The following PLCD1 variants were observed in gnomAD, a reference collection of about 807,000 sequenced individuals.
PLCD1 encodes the protein 1-phosphatidylinositol 4,5-bisphosphate phosphodiesterase delta-1.
A neutral mutation model predicts 87.4 loss-of-function variants in PLCD1; 71 were observed. The ratio of observed to expected loss-of-function variants is 0.81; its 90% CI spans 0.67 to 0.99. PLCD1 has a LOEUF of 0.99. PLCD1 is among the 50% of genes least tolerant of loss of function. The pLI, the probability that PLCD1 is intolerant of heterozygous loss-of-function variation, is 0.00. For missense variants in PLCD1, 867 were observed against 1,001.5 expected (o/e 0.87, Z 1.81); for synonymous variants, 348 against 399.2 (o/e 0.87, Z 1.53).
rs746217837 is a variant in PLCD1, at chr3:38,009,135, C to T, written c.1630G>A (p.Val544Met). ...GGGTAGATTCTGCTCAGGTGCCCCACGTTGTGGCGGACAAAGCCGTTTCCT... is the reference window on the plus strand; with the variant it reads ...GGGTAGATTCTGCTCAGGTGCCCCATGTTGTGGCGGACAAAGCCGTTTCCT... ...ESGNGFVRHN[V>M]GHLSRIYPAG... The change falls in exon 11 of 15, where the codon GTG becomes ATG. Residue 544 changes from valine to methionine, a missense_variant. Transcript: ENST00000334661. The T allele has an allele frequency of 2.2e-5, 35 of 1,614,052 alleles. No homozygotes were observed. The highest frequency in any genetic ancestry group is 9.3e-5 in the African/African-American group (7 of 74,926).
In PLCD1 at chr3:38,009,683, T is replaced by C; in HGVS notation, c.1416A>G (p.Ala472=). 1 of 1,614,148 alleles carries C rather than the reference T, an allele frequency of 6.2e-7. No individual in the cohort carries two copies. Among genetic ancestry groups the C allele is most frequent in the African/African-American group, 1.3e-5 (1 of 75,052 alleles). The change falls in exon 9 of 15, where the codon GCA becomes GCG. Residue 472 remains alanine, a synonymous_variant. Coordinates refer to ENST00000334661, the MANE Select transcript of PLCD1 (RefSeq NM_006225.4). The part of the protein sequence containing the change: ...EDEAAEMEDE[A]VRSRVQHKPK... ...GCTTGTGCTGCACACGGCTCCTCAC[T>C]GCCTCATCCTCCATCTCAGCAGCCT...
intron 1 of PLCD1, among the ~76,000 whole-genome samples, chr3:38,027,332 T>C (rs1700320226): frequency 6.6e-6 from 1 of 152,228 alleles, no homozygotes; most frequent in African/African-American, 2.4e-5. Context: ...TAGTACTCAC[T>C]GGGTACCAGG....
intron 1 of PLCD1, among the ~76,000 whole-genome samples, chr3:38,022,266 T>C (rs746833815): frequency 1.3e-5 from 2 of 152,204 alleles, no homozygotes; most frequent in Non-Finnish European, 2.9e-5. Flanking sequence ...GGGGCTCTGA[T>C]AGAATATTCC....
At position 38,016,730 on chromosome 3, in the gene PLCD1, G is replaced by A. The variant is rs1380055193; in HGVS notation, c.200-11C>T. ...TGTCCTCGATGGAGACTGCGAGAGG[G>A]GGATGGTGGAGGAGAGAGGGAGAGA... On this transcript the variant is annotated splice_polypyrimidine_tract_variant and intron_variant, in intron 2 of 14. Transcript: ENST00000334661. 7 of 1,532,218 alleles carry A rather than the reference G, an allele frequency of 4.6e-6. No homozygotes were observed. Among genetic ancestry groups the A allele is most frequent in the Non-Finnish European group, 5.3e-6 (6 of 1,128,726 alleles). 94.9% of individuals were successfully genotyped at this position (1,532,218 alleles called of 1,614,324 possible). A position where few individuals can be genotyped will look rare whatever the true frequency, so the allele number is the denominator to read the frequency against.
intron 3 of PLCD1, among the ~76,000 whole-genome samples, chr3:38,014,854 G>A (rs148612878): frequency 3.3e-5 from 5 of 152,248 alleles, no homozygotes; most frequent in Non-Finnish European, 5.9e-5. Context: ...ATATATAAAC[G>A]TACATGGAAA....
chr3:38,029,260 C>G (rs1262554896), intron 1 of PLCD1, among the ~76,000 whole-genome samples: 8 of 151,972 alleles, frequency 5.3e-5, no homozygotes, highest in Admixed American at 5.2e-4. Flanking sequence ...AGACCCGTAC[C>G]GCCCGCCCAC....
Position 38,008,012 on chromosome 3 carries a change from A to T in PLCD1, c.2185+2T>A, listed in dbSNP as rs1699991672. 1 of 1,613,832 alleles carries T rather than the reference A, an allele frequency of 6.2e-7. No homozygotes were observed. The highest frequency in any genetic ancestry group is 8.5e-7 in the Non-Finnish European group (1 of 1,179,974). On this transcript the variant is annotated splice_donor_variant, in intron 14 of 14. Coordinates refer to ENST00000334661, the MANE Select transcript of PLCD1 (RefSeq NM_006225.4). LOFTEE classifies it high-confidence loss of function. ...TGGCCATCCCCTTCTCTTGACACTC[A>T]CCTTGCTTGAGGCTGTTCAAGGGGA...
chr3:38,008,060 A>T lies in PLCD1; in HGVS notation c.2139T>A (p.Asn713Lys), dbSNP rs781409890. The T allele has an allele frequency of 2.5e-6, 4 of 1,614,202 alleles. No homozygotes were observed. Among genetic ancestry groups the T allele is most frequent in the Non-Finnish European group, 3.4e-6 (4 of 1,180,008 alleles). ...LVEDYDASSK[N>K]DFIGQSTIPL... is the part of the protein sequence containing the mutation. ...GGATGGTACTCTGGCCAATGAAGTC[A>T]TTCTTGGAGGAGGCATCATAATCTT... The change falls in exon 14 of 15, where the codon AAT becomes AAA. Residue 713 changes from asparagine (N) to lysine (K), a missense_variant. Physicochemically the swap from Asn to Lys is moderately conservative, Grantham distance 94. Coordinates refer to ENST00000334661, the MANE Select transcript of PLCD1 (RefSeq NM_006225.4).
chr3:38,013,593 A>G (rs1442548492), intron 3 of PLCD1, among the ~76,000 whole-genome samples: 1 of 152,254 alleles, frequency 6.6e-6, no homozygotes, highest in African/African-American at 2.4e-5. Context: ...GTGTAACATT[A>G]TATCATAATT....
chr3:38,024,645 G>T lies in PLCD1; in HGVS notation c.35-4293C>A, dbSNP rs765267164. On this transcript the variant is annotated intron_variant, in intron 1 of 14. Coordinates refer to ENST00000334661, the MANE Select transcript of PLCD1 (RefSeq NM_006225.4). ...GGGGCGGGACGAGAGGGAAATCTGG[G>T]CTGAGGGGGTAGTCAGACGCTAGGA... The T allele has an allele frequency of 3.4e-5, 51 of 1,519,922 alleles. No homozygotes were observed. The South Asian group carries it at 5.8e-4, about 17-fold the overall frequency. The allele number at this position is 1,519,922 out of a possible 1,614,324, so 94.2% of individuals were successfully genotyped here.
rs763245915 is a variant in PLCD1, at chr3:38,012,031, C to CTTTTTTT, written c.429-365_429-359dup. Among the ~76,000 whole-genome samples, 427 of 137,626 alleles carry CTTTTTTT rather than the reference C, an allele frequency of 3.1e-3. 5 individuals carry two copies. Among genetic ancestry groups the CTTTTTTT allele is most frequent in the African/African-American group, 0.01 (380 of 36,286 alleles). 90.3% of individuals were successfully genotyped at this position (137,626 alleles called of 152,430 possible). On this transcript the variant is annotated intron_variant, in intron 3 of 14. Coordinates refer to ENST00000334661, the MANE Select transcript of PLCD1 (RefSeq NM_006225.4). ...AGTATATCCTTCTGGTTTTCCTTTT[C>CTTTTTTT]TTTTTTTTTTTTTTTTGACAAGATC...
intron 1 of PLCD1, among the ~76,000 whole-genome samples, chr3:38,020,936 G>A (rs1437917798): frequency 6.6e-6 from 1 of 152,130 alleles, no homozygotes; most frequent in African/African-American, 2.4e-5. Flanking sequence ...GTGTGACCTG[G>A]GCAAGGGACT....
At position 38,009,266 on chromosome 3, in the gene PLCD1, C is replaced by T; in HGVS notation, c.1606+6G>A. 1 of 1,614,066 alleles carries T rather than the reference C, an allele frequency of 6.2e-7. No homozygotes were observed. The highest frequency in any genetic ancestry group is 8.5e-7 in the Non-Finnish European group (1 of 1,179,970). ...AGCAGGGGAGTGGTGGGGAGCCAGG[C>T]CTCACCTGATTCTTGGAGCAGTCGA... On this transcript the variant is annotated splice_donor_region_variant and intron_variant, in intron 10 of 14. Coordinates refer to ENST00000334661, the MANE Select transcript of PLCD1 (RefSeq NM_006225.4).
At chr3:38,027,790 A>G (rs993142303) in intron 1 of PLCD1, among the ~76,000 whole-genome samples, 1 of 152,180 alleles carries the variant, frequency 6.6e-6, no homozygotes, top group South Asian at 2.1e-4. Context: ...CCCACCAACA[A>G]TTCTCCTTGA....
chr3:38,015,447 G>C (rs778925338), intron 3 of PLCD1, among the ~76,000 whole-genome samples: 8 of 152,216 alleles, frequency 5.3e-5, no homozygotes, highest in Non-Finnish European at 8.8e-5. Flanking sequence ...AATGGGGACT[G>C]ACTGCTAAGG....
chr3:38,009,355 G>A lies in PLCD1; in HGVS notation c.1523C>T (p.Ser508Phe), dbSNP rs1412800521. The A allele has an allele frequency of 1.1e-5, 18 of 1,614,050 alleles. No homozygotes were observed. The highest frequency in any genetic ancestry group is 1.5e-5 in the Non-Finnish European group (18 of 1,180,002). Residue 508 changes from serine (S) to phenylalanine (F), a missense_variant, in exon 10 of 15, where the codon TCC becomes TTC. By Grantham distance (155) the Ser-to-Phe change is radical. Transcript: ENST00000334661. ...YCKSVHFGGFSSPGTPGQAFY... is the reference protein window; with the variant it reads ...YCKSVHFGGFFSPGTPGQAFY... ...GGCCTGTCCAGGGGTGCCAGGACTG[G>A]AGAAGCCCCCAAAGTGGACACTCTT...
At chr3:38,028,372 G>T (rs1700328893) in intron 1 of PLCD1, among the ~76,000 whole-genome samples, 1 of 152,198 alleles carries the variant, frequency 6.6e-6, no homozygotes, top group Admixed American at 6.5e-5. Context: ...GTCTCTCTGG[G>T]CCAGGAGGAC....
Position 38,008,235 on chromosome 3 carries a change from CA to C in PLCD1, c.2034del (p.Asn678LysfsTer15), listed in dbSNP as rs769437863. On this transcript the variant is annotated frameshift_variant and splice_region_variant, in exon 13 of 15. Transcript: ENST00000334661. LOFTEE classifies it high-confidence loss of function. ...ASRQTAVITN[N>X]GFNPWWDTEF... Reference sequence around the variant, plus strand: ...AGCCCAGCCCAGGCCCAGCACCTACCATTGTTGGTGATGACAGCAGTCTGGC... The same window carrying C: ...AGCCCAGCCCAGGCCCAGCACCTACCTTGTTGGTGATGACAGCAGTCTGGC... The C allele has an allele frequency of 1.2e-6, 2 of 1,613,980 alleles. No individual in the cohort carries two copies. The highest frequency in any genetic ancestry group is 1.1e-5 in the South Asian group (1 of 91,086).
intron 1 of PLCD1, among the ~76,000 whole-genome samples, chr3:38,029,034 C>T (rs770410780): frequency 1.1e-4 from 17 of 152,272 alleles, no homozygotes; most frequent in Non-Finnish European, 2.4e-4. Flanking sequence ...TCCCCACCCG[C>T]TTAGCCCCTG....
Sources: gnomAD v4.1 joint callset for allele counts (sites outside exome capture counted in the v4.1 genomes callset) on GRCh38, gnomAD v4.1.1 for gene constraint, MANE v1.5 for transcripts, NCBI Gene and HGNC (gene_info 2026-07-23, HGNC 2026-07-21) for gene names.